ASPH: variants seen among roughly 807,000 people sequenced by gnomAD.
The protein encoded by ASPH is aspartyl/asparaginyl beta-hydroxylase.
ASPH carries 100 observed loss-of-function variants against 118.4 expected under a neutral mutation model. The observed-to-expected ratio is 0.84, with a 90% CI of 0.72 to 1.00. The LOEUF (loss-of-function observed/expected upper bound fraction) is 1.00, where lower values mean the gene tolerates loss of function less well. Among genes scored for constraint, ASPH ranks in the 50% least tolerant of loss-of-function variants. The probability of loss-of-function intolerance (pLI) is 0.00; values close to 1 mark genes in which losing one functional copy is unlikely to be tolerated. For synonymous variants in ASPH, 315 were observed against 325.6 expected, an observed-to-expected ratio of 0.97 and a Z score of 0.35; for missense variants, 920 against 919.5, an observed-to-expected ratio of 1.00 and a Z score of -0.01.
chr8:61,593,466 C>T (rs1563947787), intron 14 of ASPH, among the ~76,000 whole-genome samples: 1 of 152,156 alleles, frequency 6.6e-6, no homozygotes, highest in Non-Finnish European at 1.5e-5. Context: ...ATATTCAAAG[C>T]TTAAACCAAA....
intron 3 of ASPH, chr8:61,661,798 C>T: frequency 2.7e-6 from 1 of 375,980 alleles, no homozygotes; most frequent in Non-Finnish European, 4.8e-6. Context: ...AATAAAGCAA[C>T]CACCTACAGA....
At chr8:61,603,191 CAAAAAAAAAAAAAAAA>C (rs11336705) in intron 14 of ASPH, among the ~76,000 whole-genome samples, 1 of 61,348 alleles carries the variant, frequency 1.6e-5, no homozygotes, top group Non-Finnish European at 2.9e-5. Flanking sequence ...AGACTTGTCT[CAAAAAAAAAAAAAAAA>C]AAAAAAAAAA....
At chr8:61,633,662 A>C (rs1377555277) in intron 13 of ASPH, 21 bp downstream of exon 13, 1 of 1,584,938 alleles carries the variant, frequency 6.3e-7, no homozygotes, top group Non-Finnish European at 8.6e-7. Context: ...AGAGGAAAAT[A>C]CAACATACAA....
rs751131305 is a variant in ASPH at position 61,567,195 on chromosome 8, G to A, written c.1273C>T (p.Arg425Cys). 49 of 1,613,542 alleles carry A rather than the reference G, an allele frequency of 3.0e-5. No individual in the cohort carries two copies. Among genetic ancestry groups the A allele is most frequent in the Admixed American group, 1.8e-4 (11 of 59,924 alleles). The change falls in exon 17 of 25, where the codon CGT becomes TGT. Residue 425 changes from arginine to cysteine, a missense_variant. Physicochemically the swap from Arg to Cys is radical, Grantham distance 180. Transcript: ENST00000379454. ...PADLLKLSLKRRSDRQQFLGH... is the reference protein window; with the variant it reads ...PADLLKLSLKCRSDRQQFLGH... Reference sequence around the variant, plus strand: ...AGAAATTGTTGCCTGTCTGAGCGACGCTTCAAACTCAGCTTCAGCAGGTCT... The same window carrying A: ...AGAAATTGTTGCCTGTCTGAGCGACACTTCAAACTCAGCTTCAGCAGGTCT...
rs369358416 is a variant in ASPH at position 61,553,882 on chromosome 8, T to C, written c.1537-762A>G. Among the ~76,000 whole-genome samples the C allele has an allele frequency of 2.3e-3, 345 of 152,344 alleles. 3 individuals are homozygous for C. The highest frequency in any genetic ancestry group is 6.0e-3 in the South Asian group (29 of 4,828). ...TCTAAAAATCTGCATCCTTGAGGCCTCTTCACAAGAAGCCTATTATCTTTC... is the reference window on the plus strand; with the variant it reads ...TCTAAAAATCTGCATCCTTGAGGCCCCTTCACAAGAAGCCTATTATCTTTC... On this transcript the variant is annotated intron_variant, in intron 19 of 24. Coordinates refer to ENST00000379454, the MANE Select transcript of ASPH (RefSeq NM_004318.4).
At chr8:61,562,942 G>A (rs1321559887) in intron 17 of ASPH, 62 bp from the exon 18 acceptor site, 1 of 1,457,936 alleles carries the variant, frequency 6.9e-7, no homozygotes, top group Non-Finnish European at 9.1e-7. Context: ...CTTTTGTATT[G>A]AGAATGTAAG....
chr8:61,559,520 C>G (rs1485099039), intron 18 of ASPH, among the ~76,000 whole-genome samples: 1 of 152,150 alleles, frequency 6.6e-6, no homozygotes, highest in Non-Finnish European at 1.5e-5. Flanking sequence ...CAACCACAAC[C>G]TCATACAGCC....
intron 3 of ASPH, among the ~76,000 whole-genome samples, chr8:61,677,113 A>T (rs1825789744): frequency 6.6e-6 from 1 of 152,170 alleles, no homozygotes. Context: ...GGTCACTTGC[A>T]ATAGGAACAT....
chr8:61,553,983 C>T (rs1208051715), intron 19 of ASPH, among the ~76,000 whole-genome samples: 2 of 152,204 alleles, frequency 1.3e-5, no homozygotes, highest in Non-Finnish European at 2.9e-5. Context: ...CATCATCACT[C>T]AGGAGAGGAA....
intron 3 of ASPH, chr8:61,659,693 T>C (rs923347099): frequency 7.2e-5 from 11 of 152,254 alleles, no homozygotes; most frequent in Admixed American, 3.3e-4. Flanking sequence ...AAGACTGTTA[T>C]TGAGGAATCT....
At chr8:61,613,940 A>C (rs1018266335) in intron 14 of ASPH, among the ~76,000 whole-genome samples, 1 of 152,116 alleles carries the variant, frequency 6.6e-6, no homozygotes, top group Non-Finnish European at 1.5e-5. Flanking sequence ...CGTCTGTTCT[A>C]TTTTCTTTAT....
chr8:61,510,041 C>T (rs1808210932), intron 24 of ASPH, among the ~76,000 whole-genome samples: 1 of 152,190 alleles, frequency 6.6e-6, no homozygotes, highest in Admixed American at 6.5e-5. Flanking sequence ...CTTGATCTCA[C>T]TCCCTGGAAC....
rs949760159 is a variant in ASPH at position 61,665,155 on chromosome 8, C to T, written c.323-11495G>A. ...TACATTCAATGGCTAATTTACACAC[C>T]CTCACCAATCAGAGCAATATTACAT... On this transcript the variant is annotated intron_variant, in intron 3 of 24. Transcript: ENST00000379454. 4.7e-6 allele frequency: 7 copies of T among 1,486,812 alleles called. No homozygotes were observed. The East Asian group carries it at 9.5e-5, about 20-fold the overall frequency. 92.1% of individuals were successfully genotyped at this position (1,486,812 alleles called of 1,614,324 possible).
intron 5 of ASPH, 115 bp downstream of exon 5, chr8:61,650,925 AAAAACTTTTT>A: frequency 1.0e-6 from 1 of 968,984 alleles, no homozygotes; most frequent in Non-Finnish European, 1.5e-6. Flanking sequence ...CTTTGAATTC[AAAAACTTTTT>A]AAAAAACACA....
chr8:61,689,576 T>C, intron 1 of ASPH: 1 of 1,280,772 alleles, frequency 7.8e-7, no homozygotes, highest in Non-Finnish European at 1.1e-6. Flanking sequence ...GTCAAAGCAC[T>C]TAGCCAAAAA....
At position 61,584,032 on chromosome 8, in the gene ASPH, G is replaced by C; in HGVS notation, c.977-3C>G. ...AAGTTTAGGCTTCTTTTTCTTAACT[G>C]AAAGAAAAAAGAGATTTTTATTTTT... On this transcript the variant is annotated splice_region_variant and splice_polypyrimidine_tract_variant and intron_variant, in intron 14 of 24. Coordinates refer to ENST00000379454, the MANE Select transcript of ASPH (RefSeq NM_004318.4). The C allele has an allele frequency of 6.8e-7, 1 of 1,472,634 alleles. No individual in the cohort carries two copies. Among genetic ancestry groups the C allele is most frequent in the Non-Finnish European group, 9.3e-7 (1 of 1,077,416 alleles). 91.2% of individuals were successfully genotyped at this position (1,472,634 alleles called of 1,614,324 possible).
At chr8:61,540,242 T>G (rs1351489860) in intron 21 of ASPH, among the ~76,000 whole-genome samples, 1 of 152,214 alleles carries the variant, frequency 6.6e-6, no homozygotes, top group African/African-American at 2.4e-5. Flanking sequence ...AATCTCATGT[T>G]AATTGTAATC....
In ASPH at chr8:61,556,109, T is replaced by C. The variant is rs896971072; in HGVS notation, c.1438-87A>G. The C allele has an allele frequency of 2.8e-6, 3 of 1,072,812 alleles. No individual in the cohort carries two copies. The African/African-American group carries it at 4.7e-5, about 17-fold the overall frequency. 66.5% of individuals were successfully genotyped at this position (1,072,812 alleles called of 1,614,324 possible). A position where few individuals can be genotyped will look rare whatever the true frequency, so the allele number is the denominator to read the frequency against. On this transcript the variant is annotated intron_variant, in intron 18 of 24. Transcript: ENST00000379454. ...TCTACAGATGACTGTCAAAACCAGTTTTAATTAGCTTTGTTGTACTTGGAT... is the reference window on the plus strand; with the variant it reads ...TCTACAGATGACTGTCAAAACCAGTCTTAATTAGCTTTGTTGTACTTGGAT...
chr8:61,653,240 G>C (rs1333760246), intron 4 of ASPH, among the ~76,000 whole-genome samples: 1 of 152,174 alleles, frequency 6.6e-6, no homozygotes, highest in Non-Finnish European at 1.5e-5. Flanking sequence ...TAGTAGTGTA[G>C]AATTGTGTGT....
Sources: gnomAD v4.1 joint callset for allele counts (sites outside exome capture counted in the v4.1 genomes callset) on GRCh38, gnomAD v4.1.1 for gene constraint, MANE v1.5 for transcripts, NCBI Gene and HGNC (gene_info 2026-07-23, HGNC 2026-07-21) for gene names.